FAM135B: variants seen among roughly 807,000 people sequenced by gnomAD.
FAM135B encodes the protein protein FAM135B.
FAM135B carries 43 observed loss-of-function variants against 127.7 expected under a neutral mutation model. That is an observed-to-expected ratio of 0.34 (90% CI 0.26 to 0.43). The LOEUF is 0.43. FAM135B is among the 20% of genes least tolerant of loss of function. The pLI, the probability that FAM135B is intolerant of heterozygous loss-of-function variation, is 1.00. For synonymous variants in FAM135B, 670 were observed against 665.1 expected, an observed-to-expected ratio of 1.01 and a Z score of -0.11; for missense variants, 1,558 against 1,725.6, an observed-to-expected ratio of 0.90 and a Z score of 1.72.
chr8:138,480,188 G>C (rs765776782), intron 1 of FAM135B, among the ~76,000 whole-genome samples: 2 of 151,976 alleles, frequency 1.3e-5, no homozygotes, highest in Non-Finnish European at 2.9e-5. Context: ...GAATTCCATG[G>C]GGACTCCCTG....
intron 2 of FAM135B, among the ~76,000 whole-genome samples, chr8:138,332,252 C>A (rs1221452682): frequency 6.6e-6 from 1 of 152,150 alleles, no homozygotes; most frequent in African/African-American, 2.4e-5. Context: ...CCCGCTTCTT[C>A]ATGAGCCAAT....
At chr8:138,359,339 G>A (rs980972394) in intron 2 of FAM135B, among the ~76,000 whole-genome samples, 1 of 152,132 alleles carries the variant, frequency 6.6e-6, no homozygotes, top group Non-Finnish European at 1.5e-5. Flanking sequence ...AAAAGGAATG[G>A]ATTGGCTTGA....
Position 138,310,997 on chromosome 8 carries a change from C to T in FAM135B, c.78-77G>A, listed in dbSNP as rs1826644434. On this transcript the variant is annotated intron_variant, in intron 2 of 19. Transcript: ENST00000395297. ...ACTTCTAAAAATACCTAGAATTAATCCTGAAAGCCATAGGAAATCAGGGAA... is the reference window on the plus strand; with the variant it reads ...ACTTCTAAAAATACCTAGAATTAATTCTGAAAGCCATAGGAAATCAGGGAA... 3.3e-6 allele frequency: 4 copies of T among 1,196,808 alleles called. No homozygotes were observed. In the East Asian group the frequency reaches 9.7e-5, roughly 29 times the overall value. The allele number at this position is 1,196,808 out of a possible 1,614,324, so 74.1% of individuals were successfully genotyped here.
At chr8:138,406,387 G>A (rs1030577267) in intron 1 of FAM135B, among the ~76,000 whole-genome samples, 2 of 151,902 alleles carry the variant, frequency 1.3e-5, no homozygotes, top group African/African-American at 4.8e-5. Context: ...GAAAAAGAGG[G>A]AATCCTCCCT....
intron 9 of FAM135B, among the ~76,000 whole-genome samples, chr8:138,189,842 TA>T: frequency 6.6e-6 from 1 of 152,206 alleles, no homozygotes; most frequent in Admixed American, 6.5e-5. Flanking sequence ...GGAGTCCTAA[TA>T]AGATAAGTCA....
At position 138,152,032 on chromosome 8, in the gene FAM135B, G is replaced by T. The variant is rs746606118; in HGVS notation, c.2443C>A (p.Leu815Ile). ...SQGSPGSCSQ[L>I]CGDSGTDAGA... ...GCATCTGTTCCAGAGTCACCACAAA[G>T]TTGAGAGCAAGATCCTGGGGAACCT... Residue 815 changes from leucine to isoleucine, a missense_variant, in exon 13 of 20, where the codon CTT (leucine) becomes ATT (isoleucine). Around this residue, in one of 5 missense-constraint regions of FAM135B, gnomAD observed 923 missense variants for 865.3 expected, o/e 1.07. Coordinates refer to ENST00000395297, the MANE Select transcript of FAM135B (RefSeq NM_015912.4). 21 of 1,613,954 alleles carry T rather than the reference G, an allele frequency of 1.3e-5. No homozygotes were observed. The East Asian group carries it at 4.0e-4, about 31-fold the overall frequency.
intron 1 of FAM135B, among the ~76,000 whole-genome samples, chr8:138,468,225 G>A (rs934250760): frequency 6.6e-6 from 1 of 152,152 alleles, no homozygotes; most frequent in Non-Finnish European, 1.5e-5. Context: ...AAGGCAATTT[G>A]TATTTGAAAG....
Position 138,203,409 on chromosome 8 carries a change from G to A in FAM135B, c.670-5740C>T, listed in dbSNP as rs185774633. Among the ~76,000 whole-genome samples, 3 of 152,274 alleles carry A rather than the reference G, an allele frequency of 2.0e-5. No homozygotes were observed. In the East Asian group the frequency reaches 5.8e-4, roughly 29 times the overall value. ...GACTTCGTTCTCACTTTGAGCACCT[G>A]TCAGAACGTCTTGATGGTTCTACCT... On this transcript the variant is annotated intron_variant, in intron 7 of 19. Coordinates refer to ENST00000395297, the MANE Select transcript of FAM135B (RefSeq NM_015912.4).
At chr8:138,278,982 C>T (rs1407267885) in intron 3 of FAM135B, among the ~76,000 whole-genome samples, 2 of 152,086 alleles carry the variant, frequency 1.3e-5, no homozygotes, top group African/African-American at 4.8e-5. Flanking sequence ...TAGTGATTTC[C>T]ACCATGCCAA....
intron 1 of FAM135B, among the ~76,000 whole-genome samples, chr8:138,479,108 G>A (rs970015127): frequency 6.6e-6 from 1 of 152,150 alleles, no homozygotes; most frequent in Admixed American, 6.5e-5. Flanking sequence ...AAAAAGCACT[G>A]AAAAGAAGAG....
intron 3 of FAM135B, among the ~76,000 whole-genome samples, chr8:138,267,519 GACTCTATAAAACAGT>G (rs143420812): frequency 0.023 from 3,397 of 149,998 alleles, 106 homozygotes; most frequent in East Asian, 0.099. Flanking sequence ...AAAGGGTGGG[GACTCTATAAAACAGT>G]ACTGAAAGAA....
At chr8:138,164,083 G>A (rs572192983) in intron 12 of FAM135B, among the ~76,000 whole-genome samples, 102 of 152,130 alleles carry the variant, frequency 6.7e-4, no homozygotes, top group Non-Finnish European at 1.2e-3. Context: ...ATCTGATAAC[G>A]TCATGGCAAG....
chr8:138,162,388 T>C (rs928393702), intron 12 of FAM135B, among the ~76,000 whole-genome samples: 21 of 152,200 alleles, frequency 1.4e-4, no homozygotes, highest in African/African-American at 3.6e-4. Context: ...TCATTATACG[T>C]CTGTCCAAAC....
chr8:138,454,455 TCTC>T (rs765203109), intron 1 of FAM135B, among the ~76,000 whole-genome samples: 1 of 152,142 alleles, frequency 6.6e-6, no homozygotes, highest in South Asian at 2.1e-4. Flanking sequence ...TCCAGCCTCT[TCTC>T]CTGGAAAGAA....
At chr8:138,470,932 G>T (rs1047272547) in intron 1 of FAM135B, among the ~76,000 whole-genome samples, 1 of 152,174 alleles carries the variant, frequency 6.6e-6, no homozygotes, top group Non-Finnish European at 1.5e-5. Flanking sequence ...TTCTCTCTGT[G>T]CTCCAATGAA....
chr8:138,152,522 G>A lies in FAM135B; in HGVS notation c.1953C>T (p.Pro651=). The part of the protein sequence containing the change: ...CDPLSSTLRE[P]LDIRSSLKDS... ...CCTTTAGGGAAGACCTAATATCTAA[G>A]GGCTCCCTCAGGGTAGAACTTAGTG... The change falls in exon 13 of 20, where the codon CCC becomes CCT. Residue 651 remains proline, a synonymous_variant. Transcript: ENST00000395297. 4 of 1,614,166 alleles carry A rather than the reference G, an allele frequency of 2.5e-6. No individual in the cohort carries two copies. In the South Asian group the frequency reaches 3.3e-5, roughly 13 times the overall value.
chr8:138,133,958 C>T (rs766589941), intron 19 of FAM135B, among the ~76,000 whole-genome samples: 1 of 152,064 alleles, frequency 6.6e-6, no homozygotes, highest in African/African-American at 2.4e-5. Flanking sequence ...TTAGGGATTT[C>T]GTTGTAGCCA....
At chr8:138,380,084 C>A (rs1410748201) in intron 1 of FAM135B, among the ~76,000 whole-genome samples, 1 of 152,240 alleles carries the variant, frequency 6.6e-6, no homozygotes, top group African/African-American at 2.4e-5. Context: ...AGTTGAATCA[C>A]ATGAAGGCAT....
chr8:138,370,520 C>T (rs556008800), intron 1 of FAM135B, among the ~76,000 whole-genome samples: 9 of 152,140 alleles, frequency 5.9e-5, no homozygotes, highest in African/African-American at 1.7e-4. Flanking sequence ...GGCTCCATCT[C>T]GGCTCACTGC....
Sources: gnomAD v4.1 joint callset for allele counts (sites outside exome capture counted in the v4.1 genomes callset) on GRCh38, gnomAD v4.1.1 for gene constraint, gnomAD v4.1.1 regional missense constraint, MANE v1.5 for transcripts, NCBI Gene and HGNC (gene_info 2026-07-23, HGNC 2026-07-21) for gene names.